RPRD2: variants seen among roughly 807,000 people sequenced by gnomAD.
RPRD2 encodes the protein regulation of nuclear pre-mRNA domain-containing protein 2.
A neutral mutation model predicts 104.4 loss-of-function variants in RPRD2; 12 were observed. That is an observed-to-expected ratio of 0.11 (90% CI 0.07 to 0.19). The LOEUF (loss-of-function observed/expected upper bound fraction) is 0.19, where lower values mean the gene tolerates loss of function less well. RPRD2 is among the 10% of genes least tolerant of loss of function. The probability of loss-of-function intolerance (pLI) is 1.00; values close to 1 mark genes in which losing one functional copy is unlikely to be tolerated. For missense variants in RPRD2, 1,543 were observed against 1,790.1 expected, an observed-to-expected ratio of 0.86 and a Z score of 2.49; for synonymous variants, 714 against 684.9, an observed-to-expected ratio of 1.04 and a Z score of -0.66.
chr1:150,445,257 T>C (rs1666681016), intron 6 of RPRD2, among the ~76,000 whole-genome samples: 1 of 152,140 alleles, frequency 6.6e-6, no homozygotes, highest in Non-Finnish European at 1.5e-5. Flanking sequence ...ATACTAAAAA[T>C]CTCTATTTTA....
rs1429069414 is a variant in RPRD2 at position 150,470,916 on chromosome 1, G to A, written c.1968G>A (p.Lys656=). 5 of 1,613,962 alleles carry A rather than the reference G, an allele frequency of 3.1e-6. No individual in the cohort carries two copies. Among genetic ancestry groups the A allele is most frequent in the Non-Finnish European group, 4.2e-6 (5 of 1,179,892 alleles). The change falls in exon 11 of 11, where the codon AAG becomes AAA. Residue 656 remains lysine (K), a synonymous_variant. Coordinates refer to ENST00000369068, the MANE Select transcript of RPRD2 (RefSeq NM_015203.5). ...TCTGCCAATCTTCAGAGGTCTCCAAGCCAAAGCTGGAGTCAGAGTCCACCT... is the reference window on the plus strand; with the variant it reads ...TCTGCCAATCTTCAGAGGTCTCCAAACCAAAGCTGGAGTCAGAGTCCACCT... The part of the protein sequence containing the change: ...VTICQSSEVS[K]PKLESESTSP...
chr1:150,366,137 T>C (rs16836442), intron 1 of RPRD2, among the ~76,000 whole-genome samples: 7,208 of 152,284 alleles, frequency 0.047, 431 homozygotes, highest in African/African-American at 0.13. Context: ...TACTGTTTCC[T>C]GCTGAGAAGA....
chr1:150,453,500 G>A (rs782484400), intron 7 of RPRD2, among the ~76,000 whole-genome samples: 3 of 152,128 alleles, frequency 2.0e-5, no homozygotes, highest in Non-Finnish European at 4.4e-5. Flanking sequence ...CTAAGCCACT[G>A]AGTTTTTTCC....
At chr1:150,422,844 A>AT (rs1438604207) in intron 2 of RPRD2, among the ~76,000 whole-genome samples, 1 of 152,168 alleles carries the variant, frequency 6.6e-6, no homozygotes, top group Non-Finnish European at 1.5e-5. Flanking sequence ...AAAAATTGGT[A>AT]TGGGGTGGAC....
chr1:150,408,157 G>A (rs1357584712), intron 1 of RPRD2, among the ~76,000 whole-genome samples: 1 of 119,614 alleles, frequency 8.4e-6, no homozygotes. Context: ...ATATTCATAT[G>A]ATTTTTTTTT....
intron 2 of RPRD2, among the ~76,000 whole-genome samples, chr1:150,440,211 T>C (rs1666321124): frequency 6.6e-6 from 1 of 152,028 alleles, no homozygotes; most frequent in South Asian, 2.1e-4. Flanking sequence ...CTCCCAGAAT[T>C]GGCCAGACTG....
chr1:150,365,793 T>G (rs1191875637), intron 1 of RPRD2, among the ~76,000 whole-genome samples: 16 of 152,124 alleles, frequency 1.1e-4, no homozygotes, highest in Non-Finnish European at 1.8e-4. Flanking sequence ...GTTTCATCAT[T>G]GTGGCCTGGC....
At chr1:150,456,694 G>GT (rs1667551739) in intron 7 of RPRD2, among the ~76,000 whole-genome samples, 1 of 151,972 alleles carries the variant, frequency 6.6e-6, no homozygotes, top group Admixed American at 6.6e-5. Context: ...GGAGGCCGAG[G>GT]TGCATGGATT....
chr1:150,419,817 C>T (rs1443313066), intron 2 of RPRD2, among the ~76,000 whole-genome samples: 2 of 152,008 alleles, frequency 1.3e-5, no homozygotes, highest in Non-Finnish European at 1.5e-5. Flanking sequence ...TTAGTAGAGA[C>T]GGGTTTCTCC....
At chr1:150,414,866 A>G (rs1664219443) in intron 1 of RPRD2, among the ~76,000 whole-genome samples, 1 of 152,210 alleles carries the variant, frequency 6.6e-6, no homozygotes, top group Non-Finnish European at 1.5e-5. Flanking sequence ...GTGAGTATAC[A>G]AAACTCTTTC....
At chr1:150,402,604 A>T (rs762385222) in intron 1 of RPRD2, among the ~76,000 whole-genome samples, 1 of 152,052 alleles carries the variant, frequency 6.6e-6, no homozygotes, top group Non-Finnish European at 1.5e-5. Context: ...TAAGCCCAAG[A>T]GGTTGAGGCT....
At chr1:150,427,102 G>A (rs1310209006) in intron 2 of RPRD2, among the ~76,000 whole-genome samples, 6 of 152,042 alleles carry the variant, frequency 3.9e-5, no homozygotes, top group South Asian at 2.1e-4. Context: ...CTGAGATCAC[G>A]CCACTGCACT....
chr1:150,404,766 G>A (rs587706008), intron 1 of RPRD2, among the ~76,000 whole-genome samples: 13 of 152,078 alleles, frequency 8.5e-5, no homozygotes, highest in East Asian at 7.7e-4. Flanking sequence ...CACTGTGCCC[G>A]GCCTCGTCAC....
intron 7 of RPRD2, among the ~76,000 whole-genome samples, chr1:150,447,069 G>T (rs1357691111): frequency 6.6e-6 from 1 of 151,766 alleles, no homozygotes; most frequent in Middle Eastern, 3.4e-3. Context: ...CTCCAACCTC[G>T]GGTGATCCGC....
chr1:150,397,215 C>A (rs1237126990), intron 1 of RPRD2, among the ~76,000 whole-genome samples: 4 of 152,140 alleles, frequency 2.6e-5, no homozygotes, highest in Non-Finnish European at 5.9e-5. Flanking sequence ...CTCACATGAT[C>A]CACCTGCCTC....
intron 8 of RPRD2, 33 bp downstream of exon 8, chr1:150,457,603 T>G: frequency 6.3e-7 from 1 of 1,592,052 alleles, no homozygotes; most frequent in South Asian, 1.1e-5. Flanking sequence ...GACAACTTAT[T>G]CCTTATCTGT....
chr1:150,369,873 C>T (rs1553877985), intron 1 of RPRD2, among the ~76,000 whole-genome samples: 1 of 151,994 alleles, frequency 6.6e-6, no homozygotes, highest in Non-Finnish European at 1.5e-5. Flanking sequence ...CTCCATCTCC[C>T]GGGCTCAAGT....
chr1:150,385,304 G>A (rs1260421), intron 1 of RPRD2, among the ~76,000 whole-genome samples: 45,151 of 151,452 alleles, frequency 0.3, 8,189 homozygotes, highest in Non-Finnish European at 0.4. Context: ...ATCTAACCCC[G>A]CACCACCCCC....
chr1:150,411,952 CTGTCTACTAAAAA>C, intron 1 of RPRD2, among the ~76,000 whole-genome samples: 1 of 151,968 alleles, frequency 6.6e-6, no homozygotes, highest in South Asian at 2.1e-4. Flanking sequence ...GTGGTAAACC[CTGTCTACTAAAAA>C]TACAAAAATT....
Sources: gnomAD v4.1 joint callset for allele counts (sites outside exome capture counted in the v4.1 genomes callset) on GRCh38, gnomAD v4.1.1 for gene constraint, MANE v1.5 for transcripts, NCBI Gene and HGNC (gene_info 2026-07-23, HGNC 2026-07-21) for gene names.